The following PPP2R5E variants were observed in gnomAD, a reference collection of about 807,000 sequenced individuals.
The protein encoded by PPP2R5E is serine/threonine-protein phosphatase 2A 56 kDa regulatory subunit epsilon isoform.
A neutral mutation model predicts 65.3 loss-of-function variants in PPP2R5E; 4 were observed. That is an observed-to-expected ratio of 0.06 (90% CI 0.03 to 0.14). PPP2R5E has a LOEUF of 0.14. PPP2R5E is among the 10% of genes least tolerant of loss of function. PPP2R5E has a pLI of 1.00. For synonymous variants in PPP2R5E, 183 were observed against 187.4 expected (o/e 0.98, Z 0.19); for missense variants, 274 against 556.1 (o/e 0.49, Z 5.10).
intron 5 of PPP2R5E, among the ~76,000 whole-genome samples, chr14:63,398,543 A>G (rs944250243): frequency 2.6e-5 from 4 of 152,244 alleles, no homozygotes; most frequent in African/African-American, 9.6e-5. Context: ...CTGTAATCCT[A>G]GCACTTTTGG....
intron 7 of PPP2R5E, 82 bp from the exon 8 acceptor site, chr14:63,394,010 C>T (rs1885182760): frequency 1.5e-5 from 11 of 716,390 alleles, no homozygotes; most frequent in South Asian, 1.3e-4. Context: ...ATTAATTAAA[C>T]TTAATCAGTT....
chr14:63,379,666 GT>G (rs966183180), intron 13 of PPP2R5E, among the ~76,000 whole-genome samples: 4 of 151,970 alleles, frequency 2.6e-5, no homozygotes, highest in African/African-American at 9.7e-5. Context: ...TAAAATAATA[GT>G]TTTATCTATT....
At chr14:63,527,232 C>T (rs1468404108) in intron 2 of PPP2R5E, among the ~76,000 whole-genome samples, 1 of 152,104 alleles carries the variant, frequency 6.6e-6, no homozygotes, top group Non-Finnish European at 1.5e-5. Context: ...ATGGAATTTC[C>T]CTTGAAAATA....
chr14:63,383,984 T>G (rs1032523301), intron 12 of PPP2R5E, among the ~76,000 whole-genome samples: 2 of 152,118 alleles, frequency 1.3e-5, no homozygotes, highest in Non-Finnish European at 2.9e-5. Context: ...TCTAGCACCC[T>G]CCCCAAAAGA....
chr14:63,453,775 G>A lies in PPP2R5E; in HGVS notation c.268C>T (p.Arg90Cys), dbSNP rs1238132393. 6.2e-7 allele frequency: 1 copy of A among 1,611,176 alleles called. No homozygotes were observed. Among genetic ancestry groups the A allele is most frequent in the Non-Finnish European group, 8.5e-7 (1 of 1,179,218 alleles). The change falls in exon 3 of 14, where the codon CGC (arginine) becomes TGC (cysteine). Residue 90 changes from arginine (R) to cysteine (C), a missense_variant. Arg to Cys is a radical substitution (Grantham distance 180). Coordinates refer to ENST00000337537, the MANE Select transcript of PPP2R5E (RefSeq NM_006246.5). ...LSDLKMKEYK[R>C]STLNELVDYI... ...TCCACCAGTTCATTAAGAGTGGAGC[G>A]CTTGTATTCTTTCATTTTAAGATCA...
chr14:63,481,397 G>A (rs1232293835), intron 2 of PPP2R5E, among the ~76,000 whole-genome samples: 1 of 151,598 alleles, frequency 6.6e-6, no homozygotes, highest in Non-Finnish European at 1.5e-5. Flanking sequence ...TAGGGAGGGT[G>A]AGGCAGGGGA....
rs540249293 is a variant in PPP2R5E at position 63,376,651 on chromosome 14, C to T, written c.1305-543G>A. 3.9e-5 allele frequency among the ~76,000 whole-genome samples: 6 copies of T among 152,186 alleles called. 1 individual carries two copies. The highest frequency in any genetic ancestry group is 1.4e-4 in the African/African-American group (6 of 41,520). On this transcript the variant is annotated intron_variant, in intron 13 of 13. Transcript: ENST00000337537. ...AGATTTCACTATTTGGTAAAACTTCCCCCAAAAATTAGATGTCCAAATTAG... is the reference window on the plus strand; with the variant it reads ...AGATTTCACTATTTGGTAAAACTTCTCCCAAAAATTAGATGTCCAAATTAG...
In PPP2R5E at chr14:63,424,609, G is replaced by A. The variant is rs555848561; in HGVS notation, c.355-2515C>T. Among the ~76,000 whole-genome samples the A allele has an allele frequency of 1.7e-4, 26 of 152,136 alleles. No homozygotes were observed. The South Asian group carries it at 5.2e-3, about 30-fold the overall frequency. On this transcript the variant is annotated intron_variant, in intron 3 of 13. Coordinates refer to ENST00000337537, the MANE Select transcript of PPP2R5E (RefSeq NM_006246.5). ...TACTAAAAATACAAAAAATTAGCCG[G>A]GTGTGGTGGCGGGCGCCTGTAGTCC...
At position 63,508,878 on chromosome 14, in the gene PPP2R5E, A is replaced by C. The variant is rs564743553; in HGVS notation, c.157+30651T>G. Reference sequence around the variant, plus strand: ...GACATCTCCAGTGAAAGTTACCTTAAGGTCCAGAAGAAGCCAGGCAGAGAA... The same window carrying C: ...GACATCTCCAGTGAAAGTTACCTTACGGTCCAGAAGAAGCCAGGCAGAGAA... On this transcript the variant is annotated intron_variant, in intron 2 of 13. Transcript: ENST00000337537. 7.2e-5 allele frequency among the ~76,000 whole-genome samples: 11 copies of C among 152,364 alleles called. No individual in the cohort carries two copies. In the East Asian group the frequency reaches 2.1e-3, roughly 29 times the overall value.
chr14:63,472,345 T>C lies in PPP2R5E; in HGVS notation c.158-18460A>G, dbSNP rs192584843. Among the ~76,000 whole-genome samples, 8 of 152,102 alleles carry C rather than the reference T, an allele frequency of 5.3e-5. No individual in the cohort carries two copies. The East Asian group carries it at 1.5e-3, about 29-fold the overall frequency. On this transcript the variant is annotated intron_variant, in intron 2 of 13. Transcript: ENST00000337537. ...GACCCCTTTACATTAGTGTTAAGTC[T>C]CTCAAAAGATGATTCAAAGTCTTCT...
At chr14:63,461,240 C>T (rs17101208) in intron 2 of PPP2R5E, among the ~76,000 whole-genome samples, 4,444 of 151,954 alleles carry the variant, frequency 0.029, 192 homozygotes, top group African/African-American at 0.098. Flanking sequence ...TAGAGCTTGA[C>T]AGGCTATACT....
chr14:63,510,248 C>A (rs1319251459), intron 2 of PPP2R5E, among the ~76,000 whole-genome samples: 2 of 152,182 alleles, frequency 1.3e-5, no homozygotes, highest in African/African-American at 4.8e-5. Flanking sequence ...ACAGACCTCA[C>A]CTCACTTCTA....
intron 2 of PPP2R5E, among the ~76,000 whole-genome samples, chr14:63,496,038 A>T (rs1239551904): frequency 6.6e-6 from 1 of 152,150 alleles, no homozygotes; most frequent in Non-Finnish European, 1.5e-5. Flanking sequence ...CCAAGACTTA[A>T]AAACAATTTG....
At chr14:63,469,353 A>G (rs965072595) in intron 2 of PPP2R5E, among the ~76,000 whole-genome samples, 2 of 152,262 alleles carry the variant, frequency 1.3e-5, no homozygotes, top group African/African-American at 4.8e-5. Flanking sequence ...AAAAAAGTAC[A>G]GTCCAGGGGG....
intron 11 of PPP2R5E, among the ~76,000 whole-genome samples, chr14:63,386,035 G>T (rs1231079896): frequency 5.3e-5 from 8 of 152,182 alleles, no homozygotes; most frequent in African/African-American, 1.9e-4. Context: ...AAAAAGGGTA[G>T]TTACAGGGGA....
At chr14:63,389,400 G>T (rs1350166669) in intron 11 of PPP2R5E, among the ~76,000 whole-genome samples, 1 of 152,012 alleles carries the variant, frequency 6.6e-6, no homozygotes, top group South Asian at 2.1e-4. Context: ...CAGGGTGTTA[G>T]GAGAATTAAA....
intron 2 of PPP2R5E, among the ~76,000 whole-genome samples, chr14:63,530,750 G>T (rs774861047): frequency 1.3e-5 from 2 of 149,946 alleles, no homozygotes; most frequent in Non-Finnish European, 2.9e-5. Flanking sequence ...AAGTAGCTGG[G>T]ATTACAGGTG....
chr14:63,387,780 G>A (rs1476193936), intron 11 of PPP2R5E, among the ~76,000 whole-genome samples: 4 of 152,158 alleles, frequency 2.6e-5, no homozygotes, highest in African/African-American at 9.7e-5. Flanking sequence ...GGTAATTAAG[G>A]TTACATGAGC....
At chr14:63,498,346 C>A (rs1255624) in intron 2 of PPP2R5E, among the ~76,000 whole-genome samples, 2 of 151,960 alleles carry the variant, frequency 1.3e-5, no homozygotes, top group African/African-American at 4.8e-5. Flanking sequence ...TCTCTGTCCA[C>A]TTCACTAACC....
Sources: gnomAD v4.1 joint callset for allele counts (sites outside exome capture counted in the v4.1 genomes callset) on GRCh38, gnomAD v4.1.1 for gene constraint, MANE v1.5 for transcripts, NCBI Gene and HGNC (gene_info 2026-07-23, HGNC 2026-07-21) for gene names.